Variants in SLCO1B1 observed in about 807,000 individuals in gnomAD.
SLCO1B1 encodes the protein OATP-2.
In SLCO1B1, 81 loss-of-function variants were observed where a neutral mutation model predicts 70.1. The observed-to-expected ratio is 1.16, with a 90% CI of 0.97 to 1.39. The LOEUF (loss-of-function observed/expected upper bound fraction) is 1.39. Ranked by LOEUF, SLCO1B1 falls within the 40% of genes most tolerant of loss-of-function variation. The pLI is 0.00. For missense variants in SLCO1B1, 895 were observed against 799.6 expected (o/e 1.12, Z -1.44); for synonymous variants, 283 against 271.5 (o/e 1.04, Z -0.42).
At chr12:21,214,028 G>GAGTAA (rs1941323051) in intron 11 of SLCO1B1, among the ~76,000 whole-genome samples, 1 of 151,970 alleles carries the variant, frequency 6.6e-6, no homozygotes, top group South Asian at 2.1e-4. Context: ...CTGTAGCTCA[G>GAGTAA]AGTAATTTGA....
chr12:21,233,098 G>A (rs1410426399), intron 14 of SLCO1B1, among the ~76,000 whole-genome samples: 3 of 152,034 alleles, frequency 2.0e-5, no homozygotes, highest in African/African-American at 4.8e-5. Flanking sequence ...TTGACCTGGC[G>A]AGGCTCAAAC....
intron 14 of SLCO1B1, among the ~76,000 whole-genome samples, chr12:21,238,101 T>C (rs1420872439): frequency 1.3e-5 from 2 of 152,196 alleles, no homozygotes; most frequent in Non-Finnish European, 2.9e-5. Context: ...TATAATTGTC[T>C]CAAAATTTTT....
chr12:21,139,337 C>A (rs1940275437), intron 1 of SLCO1B1, among the ~76,000 whole-genome samples: 1 of 151,944 alleles, frequency 6.6e-6, no homozygotes, highest in African/African-American at 2.4e-5. Flanking sequence ...CTCACTGAAC[C>A]CAGAAACCCG....
Position 21,176,859 on chromosome 12 carries a change from T to C in SLCO1B1, c.443T>C (p.Leu148Ser), listed in dbSNP as rs553054459. Residue 148 changes from leucine (L) to serine (S), a missense_variant, in exon 5 of 15, where the codon TTA becomes TCA. Physicochemically the swap from Leu to Ser is moderately radical, Grantham distance 145. Transcript: ENST00000256958. Reference protein sequence around the residue: ...TLSTCLINQILSLNRASPEIV... With the variant: ...TLSTCLINQISSLNRASPEIV... ...TCCACTTGTTTAATTAATCAAATTT[T>C]ATCACTCAATAGAGCATCACCTGAG... 14 of 1,559,166 alleles carry C rather than the reference T, an allele frequency of 9.0e-6. No individual in the cohort carries two copies. Among genetic ancestry groups the C allele is most frequent in the Non-Finnish European group, 1.2e-5 (14 of 1,129,978 alleles).
At chr12:21,179,088 C>A in intron 7 of SLCO1B1, 68 bp downstream of exon 7, 1 of 956,174 alleles carries the variant, frequency 1.0e-6, no homozygotes, top group South Asian at 1.3e-5. Flanking sequence ...AACATTTTTT[C>A]AAATAACTGA....
intron 12 of SLCO1B1, among the ~76,000 whole-genome samples, chr12:21,218,259 TA>T (rs1306243464): frequency 6.6e-6 from 1 of 152,140 alleles, no homozygotes; most frequent in Non-Finnish European, 1.5e-5. Context: ...ATTGGAGAGT[TA>T]GGAAGGGTGC....
At chr12:21,224,897 AAT>A in intron 14 of SLCO1B1, 58 bp downstream of exon 14, 1 of 871,508 alleles carries the variant, frequency 1.1e-6, no homozygotes, top group Non-Finnish European at 1.8e-6. Context: ...ATTCCTAAAA[AAT>A]ATCATTTTCA....
intron 10 of SLCO1B1, among the ~76,000 whole-genome samples, chr12:21,202,946 T>C (rs1941175280): frequency 6.6e-6 from 1 of 152,070 alleles, no homozygotes; most frequent in South Asian, 2.1e-4. Flanking sequence ...GTGGGTACTT[T>C]TATCATTATT....
At chr12:21,132,750 AG>A (rs1475815544) in intron 1 of SLCO1B1, among the ~76,000 whole-genome samples, 3 of 152,018 alleles carry the variant, frequency 2.0e-5, no homozygotes, top group Non-Finnish European at 4.4e-5. Flanking sequence ...TCAGATGAGT[AG>A]GTTGCAAAAA....
intron 11 of SLCO1B1, among the ~76,000 whole-genome samples, chr12:21,214,919 G>C (rs1291143331): frequency 6.6e-6 from 1 of 151,834 alleles, no homozygotes; most frequent in Non-Finnish European, 1.5e-5. Context: ...GCCCTGCTTC[G>C]GCTCACGCAC....
intron 2 of SLCO1B1, among the ~76,000 whole-genome samples, chr12:21,165,088 A>C (rs1189758116): frequency 3.3e-5 from 5 of 152,082 alleles, no homozygotes. Flanking sequence ...AGCTAATCCA[A>C]GTTGTGCGTT....
At chr12:21,188,163 G>A (rs148718877) in intron 7 of SLCO1B1, among the ~76,000 whole-genome samples, 26 of 151,976 alleles carry the variant, frequency 1.7e-4, no homozygotes, top group South Asian at 6.2e-4. Flanking sequence ...AAATTATGGC[G>A]TATTTATGAA....
At chr12:21,153,978 CA>C (rs1940506893) in intron 2 of SLCO1B1, among the ~76,000 whole-genome samples, 1 of 151,898 alleles carries the variant, frequency 6.6e-6, no homozygotes, top group South Asian at 2.1e-4. Flanking sequence ...AAGAAAAATC[CA>C]AACTAAAAAT....
In SLCO1B1 at chr12:21,202,414, A is replaced by G; in HGVS notation, c.1136-77A>G. ...CAATAATATTGAATAAATTTGATTGACATACATTGTGTTTCATCTATAAAG... is the reference window on the plus strand; with the variant it reads ...CAATAATATTGAATAAATTTGATTGGCATACATTGTGTTTCATCTATAAAG... On this transcript the variant is annotated intron_variant, in intron 9 of 14. Transcript: ENST00000256958. The G allele has an allele frequency of 3.3e-6, 3 of 906,402 alleles. No homozygotes were observed. In the Admixed American group the frequency reaches 7.7e-5, roughly 23 times the overall value. 56.1% of individuals were successfully genotyped at this position (906,402 alleles called of 1,614,324 possible). A position where few individuals can be genotyped will look rare whatever the true frequency, so the allele number is the denominator to read the frequency against.
At chr12:21,230,371 C>G (rs1941522363) in intron 14 of SLCO1B1, among the ~76,000 whole-genome samples, 1 of 119,232 alleles carries the variant, frequency 8.4e-6, no homozygotes, top group South Asian at 2.7e-4. Context: ...GCTCTTGTTA[C>G]CCAGGCTGGA....
At position 21,166,645 on chromosome 12, in the gene SLCO1B1, G is replaced by C. The variant is rs149585612; in HGVS notation, c.85-6005G>C. Among the ~76,000 whole-genome samples, 18 of 152,246 alleles carry C rather than the reference G, an allele frequency of 1.2e-4. 1 individual carries two copies. The South Asian group carries it at 2.7e-3, about 23-fold the overall frequency. On this transcript the variant is annotated intron_variant, in intron 2 of 14. Coordinates refer to ENST00000256958, the MANE Select transcript of SLCO1B1 (RefSeq NM_006446.5). ...AAACACAAAAATATACCAAATACTG[G>C]CAAGAATGTGGAGCGACAAGAACTC... is the stretch of plus-strand genomic sequence containing the variant.
intron 14 of SLCO1B1, among the ~76,000 whole-genome samples, chr12:21,229,117 G>A (rs1941508079): frequency 6.6e-6 from 1 of 151,966 alleles, no homozygotes; most frequent in African/African-American, 2.4e-5. Context: ...CAGTAAAATT[G>A]AGGAGAAATT....
intron 14 of SLCO1B1, among the ~76,000 whole-genome samples, chr12:21,230,791 C>T (rs1457902657): frequency 6.6e-6 from 1 of 152,066 alleles, no homozygotes; most frequent in Non-Finnish European, 1.5e-5. Flanking sequence ...ATAGAATTCA[C>T]CAATGAACCT....
chr12:21,171,156 C>T (rs577448693), intron 2 of SLCO1B1, among the ~76,000 whole-genome samples: 1 of 152,244 alleles, frequency 6.6e-6, no homozygotes, highest in African/African-American at 2.4e-5. Context: ...TGTGAAAGTT[C>T]CACTGAGCAA....
Sources: allele counts gnomAD v4.1 joint callset (sites outside exome capture counted in the v4.1 genomes callset), GRCh38; gene constraint gnomAD v4.1.1; transcripts MANE v1.5; gene names NCBI Gene and HGNC (gene_info 2026-07-23, HGNC 2026-07-21).